Variants in DCC observed in about 807,000 individuals in gnomAD.
The protein encoded by DCC is netrin receptor DCC.
In DCC, 58 loss-of-function variants were observed where a neutral mutation model predicts 172.5. The observed-to-expected ratio is 0.34, with a 90% CI of 0.27 to 0.42. The LOEUF is 0.42. DCC is among the 10% of genes least tolerant of loss of function. The pLI is 1.00. For missense variants in DCC, 1,740 were observed against 1,791.0 expected (o/e 0.97, Z 0.51); for synonymous variants, 709 against 644.5 (o/e 1.10, Z -1.52).
intron 11 of DCC, among the ~76,000 whole-genome samples, chr18:53,212,207 C>T (rs1365499621): frequency 1.3e-5 from 2 of 152,098 alleles, no homozygotes; most frequent in African/African-American, 4.8e-5. Context: ...AGTTTCAAGC[C>T]AACATCCTTC....
intron 1 of DCC, among the ~76,000 whole-genome samples, chr18:52,726,715 G>T (rs62084393): frequency 6.6e-6 from 1 of 152,140 alleles, no homozygotes; most frequent in Non-Finnish European, 1.5e-5. Context: ...TTCATGTTCT[G>T]ACTCTGCCTC....
At chr18:52,763,757 C>T (rs1012535012) in intron 2 of DCC, among the ~76,000 whole-genome samples, 4 of 152,204 alleles carry the variant, frequency 2.6e-5, no homozygotes, top group Admixed American at 2.0e-4. Flanking sequence ...TCCCCTTCTG[C>T]TCCTGCTCTG....
intron 21 of DCC, among the ~76,000 whole-genome samples, chr18:53,426,070 A>G (rs1910917829): frequency 1.3e-5 from 2 of 151,586 alleles, no homozygotes. Flanking sequence ...TCTCTACCTA[A>G]TAAATCAAGA....
At chr18:52,438,443 A>G (rs1987866819) in intron 1 of DCC, among the ~76,000 whole-genome samples, 1 of 152,198 alleles carries the variant, frequency 6.6e-6, no homozygotes, top group East Asian at 1.9e-4. Flanking sequence ...GAACCATGAA[A>G]GAAGTTTATT....
intron 1 of DCC, among the ~76,000 whole-genome samples, chr18:52,437,320 A>G (rs1261511220): frequency 6.6e-6 from 1 of 152,170 alleles, no homozygotes; most frequent in Non-Finnish European, 1.5e-5. Context: ...CATGTGGCAG[A>G]AAGAGGACAC....
chr18:53,072,163 T>C (rs1481811983), intron 7 of DCC, among the ~76,000 whole-genome samples: 2 of 152,082 alleles, frequency 1.3e-5, no homozygotes, highest in Non-Finnish European at 2.9e-5. Flanking sequence ...TGTTCTGTGT[T>C]ACAAGAATAA....
chr18:52,674,032 C>A (rs1461361398), intron 1 of DCC, among the ~76,000 whole-genome samples: 1 of 152,132 alleles, frequency 6.6e-6, no homozygotes, highest in Non-Finnish European at 1.5e-5. Flanking sequence ...CAGCTGTCCC[C>A]AGTGTGCAAG....
At chr18:52,383,929 C>G (rs992014347) in intron 1 of DCC, among the ~76,000 whole-genome samples, 1 of 152,088 alleles carries the variant, frequency 6.6e-6, no homozygotes, top group Non-Finnish European at 1.5e-5. Context: ...TGTAAGCAAA[C>G]TCATCTGTCA....
intron 15 of DCC, among the ~76,000 whole-genome samples, chr18:53,355,586 T>A (rs2057868809): frequency 6.6e-6 from 1 of 152,304 alleles, no homozygotes; most frequent in South Asian, 2.1e-4. Flanking sequence ...GTTATTAGTG[T>A]ATAAGAATGC....
At chr18:52,531,389 A>G (rs746023270) in intron 1 of DCC, among the ~76,000 whole-genome samples, 1 of 152,228 alleles carries the variant, frequency 6.6e-6, no homozygotes, top group Non-Finnish European at 1.5e-5. Context: ...CATTTGCCAA[A>G]ACTTAGTTAA....
intron 5 of DCC, among the ~76,000 whole-genome samples, chr18:53,049,527 T>C (rs2042305929): frequency 6.6e-6 from 1 of 152,070 alleles, no homozygotes. Flanking sequence ...CTCTCTATTC[T>C]ATTTTATTTG....
At chr18:53,100,662 G>A (rs971955943) in intron 7 of DCC, among the ~76,000 whole-genome samples, 4 of 151,902 alleles carry the variant, frequency 2.6e-5, no homozygotes, top group African/African-American at 4.8e-5. Context: ...AGGGAAAGCC[G>A]GAGGGAGGGA....
chr18:53,425,287 C>CTCTT (rs1445750520), intron 21 of DCC, among the ~76,000 whole-genome samples: 3 of 151,724 alleles, frequency 2.0e-5, no homozygotes, highest in Middle Eastern at 3.4e-3. Flanking sequence ...TAAACTCTCA[C>CTCTT]TCTTACACCC....
chr18:52,819,757 C>T (rs1002913060), intron 2 of DCC, among the ~76,000 whole-genome samples: 8 of 149,968 alleles, frequency 5.3e-5, no homozygotes, highest in African/African-American at 9.8e-5. Flanking sequence ...CTTGCTCTGT[C>T]GCCCAGGCTG....
chr18:53,392,663 C>G (rs1908632867), intron 17 of DCC, among the ~76,000 whole-genome samples: 1 of 152,022 alleles, frequency 6.6e-6, no homozygotes, highest in African/African-American at 2.4e-5. Context: ...CAAATGTAGA[C>G]AAAAATGAGA....
chr18:52,395,382 G>GT (rs1986183573), intron 1 of DCC, among the ~76,000 whole-genome samples: 1 of 152,012 alleles, frequency 6.6e-6, no homozygotes, highest in Non-Finnish European at 1.5e-5. Flanking sequence ...TCTGTTTGCG[G>GT]TATTGCTCGG....
intron 5 of DCC, among the ~76,000 whole-genome samples, chr18:52,981,779 A>G (rs991945248): frequency 6.6e-6 from 1 of 152,228 alleles, no homozygotes; most frequent in African/African-American, 2.4e-5. Context: ...CATGTTGAGT[A>G]TGTTGATGGA....
chr18:53,180,231 G>A (rs2055173778), intron 9 of DCC, among the ~76,000 whole-genome samples: 1 of 152,126 alleles, frequency 6.6e-6, no homozygotes, highest in South Asian at 2.1e-4. Flanking sequence ...TTTGGCCAGG[G>A]CTACAGAGAC....
intron 1 of DCC, among the ~76,000 whole-genome samples, chr18:52,477,489 C>A (rs1226830384): frequency 1.3e-5 from 2 of 152,178 alleles, no homozygotes; most frequent in African/African-American, 4.8e-5. Context: ...TCTGACAAAA[C>A]AGGTTCAGAG....
Sources: gnomAD v4.1 joint callset for allele counts (sites outside exome capture counted in the v4.1 genomes callset) on GRCh38, gnomAD v4.1.1 for gene constraint, MANE v1.5 for transcripts, NCBI Gene and HGNC (gene_info 2026-07-23, HGNC 2026-07-21) for gene names.